DNAI1: variants seen among roughly 807,000 people sequenced by gnomAD.
DNAI1 encodes the protein dynein axonemal intermediate chain 1.
A neutral mutation model predicts 92.0 loss-of-function variants in DNAI1; 67 were observed. The ratio of observed to expected loss-of-function variants is 0.73; its 90% CI spans 0.60 to 0.89. The LOEUF (loss-of-function observed/expected upper bound fraction) is 0.89. Among genes scored for constraint, DNAI1 ranks in the 40% least tolerant of loss-of-function variants. The pLI is 0.00. For missense variants in DNAI1, 839 were observed against 866.6 expected (o/e 0.97, Z 0.40); for synonymous variants, 323 against 319.6 (o/e 1.01, Z -0.11).
chr9:34,516,127 G>GGGGAGCAGCCCATGGTGA, intron 18 of DNAI1, among the ~76,000 whole-genome samples: 1 of 152,328 alleles, frequency 6.6e-6, no homozygotes, highest in East Asian at 1.9e-4. Context: ...AGATAGGGCA[G>GGGGAGCAGCCCATGGTGA]GGGAGCAGCC....
intron 1 of DNAI1, among the ~76,000 whole-genome samples, chr9:34,479,746 G>A (rs1301287311): frequency 6.6e-6 from 1 of 152,106 alleles, no homozygotes; most frequent in African/African-American, 2.4e-5. Flanking sequence ...TGGCTCGTGT[G>A]GCTTAGCCTC....
intron 1 of DNAI1, among the ~76,000 whole-genome samples, chr9:34,474,461 C>A (rs1417047116): frequency 6.6e-6 from 1 of 151,542 alleles, no homozygotes; most frequent in Non-Finnish European, 1.5e-5. Flanking sequence ...GGTCTTGAAC[C>A]CCTGGACTCA....
At chr9:34,504,924 A>G (rs1247128590) in intron 12 of DNAI1, among the ~76,000 whole-genome samples, 1 of 152,126 alleles carries the variant, frequency 6.6e-6, no homozygotes, top group Non-Finnish European at 1.5e-5. Flanking sequence ...CATTATTGTC[A>G]TCAGAAGGGC....
chr9:34,482,717 C>G (rs1034191420), intron 1 of DNAI1, among the ~76,000 whole-genome samples: 31 of 152,288 alleles, frequency 2.0e-4, no homozygotes, highest in Admixed American at 3.9e-4. Flanking sequence ...GGATCCCCCA[C>G]CGGGGCTGCA....
At chr9:34,517,786 T>C (rs1825198323) in intron 19 of DNAI1, among the ~76,000 whole-genome samples, 1 of 152,126 alleles carries the variant, frequency 6.6e-6, no homozygotes, top group South Asian at 2.1e-4. Flanking sequence ...ATGCTGTGGG[T>C]AGGACAGGTC....
At chr9:34,486,735 C>G (rs1337400805) in intron 4 of DNAI1, among the ~76,000 whole-genome samples, 1 of 152,172 alleles carries the variant, frequency 6.6e-6, no homozygotes, top group Non-Finnish European at 1.5e-5. Context: ...AACATTTTCA[C>G]TTCCCCGCAA....
At chr9:34,483,251 T>C (rs893125686) in intron 1 of DNAI1, among the ~76,000 whole-genome samples, 197 bp from the exon 2 acceptor site, 2 of 152,200 alleles carry the variant, frequency 1.3e-5, no homozygotes, top group African/African-American at 2.4e-5. Context: ...GCTGAAGGGC[T>C]CCTCAAATGC....
chr9:34,501,699 C>CT (rs1824834404), intron 12 of DNAI1, among the ~76,000 whole-genome samples: 1 of 152,168 alleles, frequency 6.6e-6, no homozygotes, highest in African/African-American at 2.4e-5. Context: ...ATGGCAGGAC[C>CT]TTAACCACAC....
At chr9:34,487,867 A>G (rs1824504585) in intron 4 of DNAI1, 1 of 164,132 alleles carries the variant, frequency 6.1e-6, no homozygotes, top group African/African-American at 2.4e-5. Flanking sequence ...TAGGTCCCCA[A>G]AGCTGCTACT....
intron 1 of DNAI1, among the ~76,000 whole-genome samples, chr9:34,469,431 A>C (rs1824099641): frequency 7.0e-6 from 1 of 142,628 alleles, no homozygotes; most frequent in Non-Finnish European, 1.5e-5. Flanking sequence ...AAGCCCAGCT[A>C]ATTTTTTTTT....
intron 1 of DNAI1, among the ~76,000 whole-genome samples, chr9:34,467,660 GTATA>G (rs148722582): frequency 6.6e-6 from 1 of 151,704 alleles, no homozygotes; most frequent in Non-Finnish European, 1.5e-5. Context: ...ATAAAATGCA[GTATA>G]TATATAACCT....
At position 34,492,493 on chromosome 9, in the gene DNAI1, GATAT is replaced by G. The variant is rs752863173; in HGVS notation, c.682-662_682-659del. 8.9e-3 allele frequency among the ~76,000 whole-genome samples: 610 copies of G among 68,232 alleles called. 51 individuals are homozygous for G. Among genetic ancestry groups the G allele is most frequent in the East Asian group, 0.081 (190 of 2,332 alleles). 44.8% of individuals were successfully genotyped at this position (68,232 alleles called of 152,430 possible). On this transcript the variant is annotated intron_variant, in intron 8 of 19. Transcript: ENST00000242317. Reference sequence around the variant, plus strand: ...TCCGGGGTGGGGGTGGGGATATGAAGATATATATATATATATATATATATATATA... The same window carrying G: ...TCCGGGGTGGGGGTGGGGATATGAAGATATATATATATATATATATATATA...
intron 7 of DNAI1, 36 bp from the exon 8 acceptor site, chr9:34,491,459 G>A: frequency 1.2e-6 from 2 of 1,612,840 alleles, no homozygotes; most frequent in Non-Finnish European, 1.7e-6. Context: ...AGGAGTTGAG[G>A]GCTTTTTGTG....
chr9:34,462,446 C>A (rs1250159583), intron 1 of DNAI1, among the ~76,000 whole-genome samples: 4 of 152,128 alleles, frequency 2.6e-5, no homozygotes, highest in Non-Finnish European at 4.4e-5. Context: ...AGGGTGATAT[C>A]CCCTCTAGAC....
intron 5 of DNAI1, 86 bp from the exon 6 acceptor site, chr9:34,489,926 C>T: frequency 6.4e-7 from 1 of 1,567,502 alleles, no homozygotes; most frequent in South Asian, 1.2e-5. Context: ...CAAGGAAAAC[C>T]CCAGGCAGAA....
chr9:34,467,994 G>A (rs1824068716), intron 1 of DNAI1, among the ~76,000 whole-genome samples: 1 of 152,170 alleles, frequency 6.6e-6, no homozygotes, highest in African/African-American at 2.4e-5. Context: ...TAAAGCAGCT[G>A]TTATAAATAT....
intron 16 of DNAI1, among the ~76,000 whole-genome samples, chr9:34,513,451 G>A (rs1825112681): frequency 6.6e-6 from 1 of 152,150 alleles, no homozygotes; most frequent in Admixed American, 6.5e-5. Flanking sequence ...TCCCTTCCTG[G>A]GAGTTGAGGT....
chr9:34,490,345 G>T, intron 6 of DNAI1, 24 bp from the exon 7 acceptor site: 1 of 1,614,122 alleles, frequency 6.2e-7, no homozygotes, highest in Non-Finnish European at 8.5e-7. Context: ...GCTGATTCCT[G>T]ATCCTCTGGG....
chr9:34,483,399 C>T (rs752024339), intron 1 of DNAI1, 49 bp from the exon 2 acceptor site: 1 of 1,579,254 alleles, frequency 6.3e-7, no homozygotes, highest in Non-Finnish European at 8.6e-7. Flanking sequence ...ATGATATTTC[C>T]ATGTCAATTT....
Sources: allele counts gnomAD v4.1 joint callset (sites outside exome capture counted in the v4.1 genomes callset), GRCh38; gene constraint gnomAD v4.1.1; transcripts MANE v1.5; gene names NCBI Gene and HGNC (gene_info 2026-07-23, HGNC 2026-07-21).